The following RANBP2 variants were observed in gnomAD, a reference collection of about 807,000 sequenced individuals.
RANBP2 encodes the protein E3 SUMO-protein ligase RanBP2.
RANBP2 carries 57 observed loss-of-function variants against 303.6 expected under a neutral mutation model. The ratio of observed to expected loss-of-function variants is 0.19; its 90% CI spans 0.15 to 0.23. The LOEUF is 0.23. Ranked by LOEUF, RANBP2 falls within the 10% of genes least tolerant of loss-of-function variation. The pLI, the probability that RANBP2 is intolerant of heterozygous loss-of-function variation, is 1.00. For synonymous variants in RANBP2, 1,167 were observed against 1,301.5 expected (o/e 0.90, Z 2.23); for missense variants, 3,138 against 3,780.8 (o/e 0.83, Z 4.46).
chr2:109,595,143 T>A, the RANBP2 span: 2 of 152,254 alleles, frequency 1.3e-5, no homozygotes, highest in African/African-American at 4.8e-5. Flanking sequence ...CGCCTTGGCC[T>A]CCCAAAGTGC....
chr2:109,244,755 C>T, the RANBP2 span, among the ~76,000 whole-genome samples: 10 of 152,202 alleles, frequency 6.6e-5, no homozygotes, highest in South Asian at 2.1e-4. Flanking sequence ...CCTCAATGCC[C>T]GGGCCCTTGA....
chr2:109,220,971 A>G, the RANBP2 span, among the ~76,000 whole-genome samples: 3 of 152,256 alleles, frequency 2.0e-5, no homozygotes, highest in Admixed American at 6.5e-5. Flanking sequence ...GTGTACACCA[A>G]TGTTCATAAT....
the RANBP2 span, among the ~76,000 whole-genome samples, chr2:109,268,190 C>T: frequency 6.6e-5 from 10 of 152,036 alleles, no homozygotes; most frequent in Non-Finnish European, 1.5e-4. Context: ...AGGGGATGGG[C>T]AGGCTAGAAT....
At chr2:108,809,845 G>C in the RANBP2 span, among the ~76,000 whole-genome samples, 1 of 151,930 alleles carries the variant, frequency 6.6e-6, no homozygotes, top group Non-Finnish European at 1.5e-5. Context: ...TCACTCTGTC[G>C]CCCAGGCTGG....
chr2:109,419,407 C>A, the RANBP2 span: 1 of 888,924 alleles, frequency 1.1e-6, no homozygotes, highest in Non-Finnish European at 1.7e-6. Context: ...GTAGGCACAG[C>A]ACGTTGGAGG....
chr2:108,724,774 G>C (rs1277634408), intron 1 of RANBP2, among the ~76,000 whole-genome samples: 3 of 151,834 alleles, frequency 2.0e-5, no homozygotes, highest in Non-Finnish European at 4.4e-5. Context: ...GGGAACTCAT[G>C]GTTCAGTATC....
the RANBP2 span, among the ~76,000 whole-genome samples, chr2:109,463,265 C>A: frequency 6.6e-6 from 1 of 152,244 alleles, no homozygotes; most frequent in African/African-American, 2.4e-5. Flanking sequence ...CTGCCAGTTG[C>A]CAGTTGATTA....
At chr2:108,779,282 C>T (rs1315749867) in intron 25 of RANBP2, among the ~76,000 whole-genome samples, 1 of 152,114 alleles carries the variant, frequency 6.6e-6, no homozygotes, top group Non-Finnish European at 1.5e-5. Context: ...CTGCCTCAGC[C>T]TCCTGAGTAG....
the RANBP2 span, among the ~76,000 whole-genome samples, chr2:108,955,685 G>A: frequency 1.3e-5 from 2 of 150,886 alleles, no homozygotes; most frequent in East Asian, 2.0e-4. Flanking sequence ...TAGCCTGGGC[G>A]ACAGAGTGAG....
chr2:109,625,308 G>T, the RANBP2 span, among the ~76,000 whole-genome samples: 1 of 151,924 alleles, frequency 6.6e-6, no homozygotes, highest in South Asian at 2.1e-4. Flanking sequence ...AACATATGGA[G>T]AACAGATAAA....
chr2:108,763,143 T>C, intron 19 of RANBP2, 94 bp from the exon 20 acceptor site: 1 of 1,340,108 alleles, frequency 7.5e-7, no homozygotes, highest in East Asian at 2.4e-5. Flanking sequence ...CTTCACTTCA[T>C]ATTCATGTTT....
chr2:108,869,623 C>T, the RANBP2 span, among the ~76,000 whole-genome samples: 1 of 152,042 alleles, frequency 6.6e-6, no homozygotes, highest in African/African-American at 2.4e-5. Flanking sequence ...GATCTAAGGC[C>T]TTCAGAAGAA....
chr2:108,826,921 A>G, the RANBP2 span, among the ~76,000 whole-genome samples: 1 of 152,198 alleles, frequency 6.6e-6, no homozygotes, highest in Non-Finnish European at 1.5e-5. Flanking sequence ...TCTTTCAGCT[A>G]TATTTTCTCG....
At chr2:108,800,161 A>C in the RANBP2 span, among the ~76,000 whole-genome samples, 1,926 of 152,258 alleles carry the variant, frequency 0.013, 38 homozygotes, top group African/African-American at 0.044. Flanking sequence ...GGGTATATTC[A>C]AGACCTTCTG....
chr2:109,023,818 A>G, the RANBP2 span, among the ~76,000 whole-genome samples: 43 of 152,288 alleles, frequency 2.8e-4, no homozygotes, highest in African/African-American at 9.9e-4. Context: ...CAAAACAAAC[A>G]AACAAAAACA....
At chr2:108,864,714 C>G in the RANBP2 span, among the ~76,000 whole-genome samples, 7 of 151,010 alleles carry the variant, frequency 4.6e-5, no homozygotes, top group South Asian at 1.5e-3. Flanking sequence ...GAATCACTTG[C>G]ACCCAGGAGG....
At chr2:108,829,483 T>C in the RANBP2 span, among the ~76,000 whole-genome samples, 2 of 152,194 alleles carry the variant, frequency 1.3e-5, no homozygotes, top group South Asian at 4.1e-4. Context: ...TGGTGGCCCA[T>C]GCCTGTAATG....
chr2:109,419,767 T>G, the RANBP2 span: 1 of 837,302 alleles, frequency 1.2e-6, no homozygotes, highest in Admixed American at 2.6e-5. Context: ...AGTATAGTTA[T>G]GTGCGTCTAA....
chr2:109,621,803 C>T, the RANBP2 span, among the ~76,000 whole-genome samples: 1 of 152,092 alleles, frequency 6.6e-6, no homozygotes, highest in Non-Finnish European at 1.5e-5. Flanking sequence ...ATCCCAGCTG[C>T]TTGGGAGGCT....
Sources: gnomAD v4.1 joint callset for allele counts (sites outside exome capture counted in the v4.1 genomes callset) on GRCh38, gnomAD v4.1.1 for gene constraint, MANE v1.5 for transcripts, NCBI Gene and HGNC (gene_info 2026-07-23, HGNC 2026-07-21) for gene names.